The following ULK4 variants were observed in gnomAD, a reference collection of about 807,000 sequenced individuals.
ULK4 encodes the protein unc-51 like kinase 4, also known as inactive serine/threonine-protein kinase ULK4.
Under a neutral mutation model 160.6 loss-of-function variants are expected in ULK4, and 133 were observed. The ratio of observed to expected loss-of-function variants is 0.83; its 90% CI spans 0.72 to 0.96. The LOEUF is 0.96. Among genes scored for constraint, ULK4 ranks in the 40% least tolerant of loss-of-function variants. The pLI, the probability that ULK4 is intolerant of heterozygous loss-of-function variation, is 0.00. For synonymous variants in ULK4, 534 were observed against 539.8 expected (o/e 0.99, Z 0.15); for missense variants, 1,580 against 1,499.5 (o/e 1.05, Z -0.89).
At chr3:41,297,749 C>T (rs12497452) in intron 35 of ULK4, among the ~76,000 whole-genome samples, 23,629 of 152,236 alleles carry the variant, frequency 0.16, 2,199 homozygotes, top group African/African-American at 0.25. Flanking sequence ...CCACTGCTGA[C>T]TTCAAAAGTG....
intron 21 of ULK4, among the ~76,000 whole-genome samples, chr3:41,786,180 T>C (rs140024834): frequency 6.6e-6 from 1 of 152,308 alleles, no homozygotes; most frequent in African/African-American, 2.4e-5. Context: ...TTTTGTTTAT[T>C]ATCAGCCCCT....
At chr3:41,682,183 GA>G (rs1018973815) in intron 27 of ULK4, among the ~76,000 whole-genome samples, 58 of 151,264 alleles carry the variant, frequency 3.8e-4, no homozygotes, top group Non-Finnish European at 1.2e-4. Context: ...AAAATGTTGG[GA>G]AAAAAAAGAC....
intron 35 of ULK4, 100 bp downstream of exon 35, chr3:41,397,979 C>T: frequency 7.3e-7 from 1 of 1,362,646 alleles, no homozygotes; most frequent in South Asian, 1.5e-5. Flanking sequence ...CTTGCAAATT[C>T]TCTGTAAATT....
chr3:41,615,810 A>G lies in ULK4; in HGVS notation c.3072-93T>C, dbSNP rs895906804. 5 of 1,084,526 alleles carry G rather than the reference A, an allele frequency of 4.6e-6. No individual in the cohort carries two copies. The African/African-American group carries it at 6.4e-5, about 14-fold the overall frequency. 67.2% of individuals were successfully genotyped at this position (1,084,526 alleles called of 1,614,324 possible). A position where few individuals can be genotyped will look rare whatever the true frequency, so the allele number is the denominator to read the frequency against. ...TAAAGCACCTCAGCCCCCATGTTTT[A>G]TTGCTAAAATTCCATGATAAGAAAT... On this transcript the variant is annotated intron_variant, in intron 30 of 36. Transcript: ENST00000301831.
intron 21 of ULK4, among the ~76,000 whole-genome samples, chr3:41,756,281 A>C (rs1455043375): frequency 3.9e-5 from 6 of 152,166 alleles, no homozygotes; most frequent in African/African-American, 1.4e-4. Context: ...GAATTACTAC[A>C]ATCGGCTTTA....
intron 35 of ULK4, among the ~76,000 whole-genome samples, chr3:41,396,206 G>T (rs1181384827): frequency 6.6e-6 from 1 of 151,930 alleles, no homozygotes; most frequent in Non-Finnish European, 1.5e-5. Flanking sequence ...CCTGCCTGGT[G>T]TAAATATTCA....
intron 32 of ULK4, among the ~76,000 whole-genome samples, chr3:41,493,994 A>T (rs1451968670): frequency 6.8e-6 from 1 of 148,138 alleles, no homozygotes; most frequent in Non-Finnish European, 1.5e-5. Context: ...GAATTCTACC[A>T]GAGGTACAAG....
At chr3:41,776,725 T>C (rs1405298296) in intron 21 of ULK4, among the ~76,000 whole-genome samples, 2 of 110,120 alleles carry the variant, frequency 1.8e-5, no homozygotes, top group Admixed American at 9.2e-5. Flanking sequence ...GGATTACATT[T>C]ATTGATTTGC....
rs141189057 is a variant in ULK4, at chr3:41,714,203, CA to C, written c.2634+1033del. Among the ~76,000 whole-genome samples the C allele has an allele frequency of 7.4e-3, 1,124 of 152,198 alleles. 12 individuals are homozygous for C. The highest frequency in any genetic ancestry group is 0.026 in the African/African-American group (1,086 of 41,538). ...TATAGACTTTCTGGAATTCAAGATT[CA>C]AAGTACTCAAATGATAAAAATCTGA... is the stretch of plus-strand genomic sequence containing the variant. On this transcript the variant is annotated intron_variant, in intron 25 of 36. Coordinates refer to ENST00000301831, the MANE Select transcript of ULK4 (RefSeq NM_017886.4).
At chr3:41,461,207 A>G (rs1381650545) in intron 33 of ULK4, among the ~76,000 whole-genome samples, 1 of 152,164 alleles carries the variant, frequency 6.6e-6, no homozygotes, top group Non-Finnish European at 1.5e-5. Flanking sequence ...TTGTGAATCT[A>G]AGCATTATTA....
At chr3:41,697,492 C>T (rs536489228) in intron 27 of ULK4, among the ~76,000 whole-genome samples, 22 of 152,048 alleles carry the variant, frequency 1.4e-4, no homozygotes, top group African/African-American at 4.3e-4. Flanking sequence ...AACTGTACAA[C>T]GTGTGTTTTA....
chr3:41,744,319 A>G (rs1458899145), intron 22 of ULK4, among the ~76,000 whole-genome samples: 1 of 152,114 alleles, frequency 6.6e-6, no homozygotes, highest in East Asian at 1.9e-4. Flanking sequence ...CTTGCCTTAT[A>G]TGCAATGATA....
chr3:41,287,377 A>G (rs886854266), intron 35 of ULK4, among the ~76,000 whole-genome samples: 3 of 152,220 alleles, frequency 2.0e-5, no homozygotes, highest in Admixed American at 6.5e-5. Context: ...TCAAGAACTG[A>G]AATGATATGA....
intron 31 of ULK4, among the ~76,000 whole-genome samples, chr3:41,583,585 C>A (rs1455255901): frequency 6.6e-6 from 1 of 152,196 alleles, no homozygotes; most frequent in Non-Finnish European, 1.5e-5. Context: ...TCCTTCTATA[C>A]CAGCCTCTCA....
chr3:41,378,351 G>A (rs2081561158), intron 35 of ULK4, among the ~76,000 whole-genome samples: 1 of 151,270 alleles, frequency 6.6e-6, no homozygotes, highest in African/African-American at 2.4e-5. Flanking sequence ...ATGTGCACAT[G>A]TACCCTAAAA....
intron 32 of ULK4, among the ~76,000 whole-genome samples, chr3:41,558,689 G>A (rs1330049479): frequency 6.8e-6 from 1 of 146,210 alleles, no homozygotes; most frequent in Non-Finnish European, 1.5e-5. Flanking sequence ...GAGCAATAGA[G>A]CAAGACTCCA....
intron 31 of ULK4, among the ~76,000 whole-genome samples, chr3:41,603,996 A>G (rs1243372827): frequency 1.3e-5 from 2 of 152,118 alleles, no homozygotes; most frequent in East Asian, 1.9e-4. Context: ...AGATGAGGCT[A>G]AAGAGACAGC....
intron 35 of ULK4, among the ~76,000 whole-genome samples, chr3:41,296,205 G>A (rs2125707080): frequency 6.6e-6 from 1 of 152,296 alleles, no homozygotes. Flanking sequence ...GTGCATGTGT[G>A]GAGGCAGAAA....
intron 29 of ULK4, among the ~76,000 whole-genome samples, chr3:41,667,002 T>A (rs1310812279): frequency 1.3e-5 from 2 of 151,864 alleles, no homozygotes; most frequent in African/African-American, 4.8e-5. Context: ...AAATTATTTT[T>A]AAATAATTGG....
Sources: allele counts gnomAD v4.1 joint callset (sites outside exome capture counted in the v4.1 genomes callset), GRCh38; gene constraint gnomAD v4.1.1; transcripts MANE v1.5; gene names NCBI Gene and HGNC (gene_info 2026-07-23, HGNC 2026-07-21).